Variants in ART5 observed in about 807,000 individuals in gnomAD.
ART5 encodes ecto-ADP-ribosyltransferase 5.
A neutral mutation model predicts 25.0 loss-of-function variants in ART5; 22 were observed. The observed-to-expected ratio is 0.88, with a 90% CI of 0.63 to 1.26. The LOEUF (loss-of-function observed/expected upper bound fraction) is 1.26. Ranked by LOEUF, ART5 falls within the 50% of genes most tolerant of loss-of-function variation. The probability of loss-of-function intolerance (pLI) is 0.00; values close to 1 mark genes in which losing one functional copy is unlikely to be tolerated. For synonymous variants in ART5, 161 were observed against 154.8 expected (o/e 1.04, Z -0.30); for missense variants, 402 against 372.8 (o/e 1.08, Z -0.64).
Position 3,638,664 on chromosome 11 carries a change from G to C in ART5, c.*74C>G. ...ATAGCAGAGTTCCCTCAGCCCTGCT[G>C]TGGCCTCCCCAGGCCAACATCCTGG... On this transcript the variant is annotated 3_prime_UTR_variant, in exon 4 of 4. Coordinates refer to ENST00000397068, the MANE Select transcript of ART5 (RefSeq NM_053017.5). The C allele has an allele frequency of 6.3e-7, 1 of 1,576,378 alleles. No individual in the cohort carries two copies.
upstream of ART5, chr11:3,642,315 A>C (rs1430570717): frequency 4.0e-6 from 4 of 1,002,936 alleles, no homozygotes; most frequent in African/African-American, 7.0e-5. Context: ...TGGTAACCCG[A>C]CACCCCTTTC....
In ART5 at chr11:3,639,989, C is replaced by T. The variant is rs769133129; in HGVS notation, c.440G>A (p.Ser147Asn). 1.3e-4 allele frequency: 215 copies of T among 1,614,190 alleles called. No individual in the cohort carries two copies. The highest frequency in any genetic ancestry group is 3.3e-4 in the Middle Eastern group (2 of 6,062). Residue 147 changes from serine (S) to asparagine (N), a missense_variant, in exon 2 of 4, where the codon AGT (serine) becomes AAT (asparagine). Physicochemically the swap from Ser to Asn is conservative, Grantham distance 46. Coordinates refer to ENST00000397068, the MANE Select transcript of ART5 (RefSeq NM_053017.5). ...LIRALQLLRG[S>N]GGCSRGPGEV... The stretch of plus-strand genomic sequence containing the variant: ...CCCAGGTCCCCTGCTGCAGCCCCCA[C>T]TGCCTCGCAGCAGCTGCAGGGCCCG...
At chr11:3,638,821 G>A in intron 3 of ART5, 28 bp from the exon 4 acceptor site, 1 of 1,614,122 alleles carries the variant, frequency 6.2e-7, no homozygotes. Flanking sequence ...GACTTTCAGG[G>A]CCCAACCCCT....
chr11:3,640,305 A>G lies in ART5; in HGVS notation c.124T>C (p.Cys42Arg). 6.2e-7 allele frequency: 1 copy of G among 1,613,210 alleles called. No homozygotes were observed. The highest frequency in any genetic ancestry group is 8.5e-7 in the Non-Finnish European group (1 of 1,180,010). Residue 42 changes from cysteine (C) to arginine (R), a missense_variant, in exon 2 of 4, where the codon TGT (cysteine) becomes CGT (arginine). By Grantham distance (180) the Cys-to-Arg change is radical. Transcript: ENST00000397068. Reference sequence around the variant, plus strand: ...GCCTTCTCCTCCATCTCCTCTGCACAACCCACATAGGTATCGTCAAAGGTG... The same window carrying G: ...GCCTTCTCCTCCATCTCCTCTGCACGACCCACATAGGTATCGTCAAAGGTG... ...PDTFDDTYVG[C>R]AEEMEEKAAP...
At chr11:3,642,081 C>G, upstream of ART5, 1 of 1,411,186 alleles carries the variant, frequency 7.1e-7, no homozygotes, top group Non-Finnish European at 9.2e-7. Context: ...ACACCCCTTC[C>G]TCAGAGCCTC....
At position 3,639,788 on chromosome 11, in the gene ART5, GAGA is replaced by G; in HGVS notation, c.638_640del (p.Phe213del). The G allele has an allele frequency of 1.2e-6, 2 of 1,614,230 alleles. No homozygotes were observed. Among genetic ancestry groups the G allele is most frequent in the Non-Finnish European group, 1.7e-6 (2 of 1,180,034 alleles). ...CACCTCGCGCTCCTTGGGAAAGACA[GAGA>G]AGGCCTGTATAGGGGCCCCAAAGCA... On this transcript the variant is annotated inframe_deletion, in exon 2 of 4. Transcript: ENST00000397068.
rs146254710 is a variant in ART5, at chr11:3,640,288, C to T, written c.141G>A (p.Glu47=). ...CCTTTAGCAGGGGGGCTGCCTTCTCCTCCATCTCCTCTGCACAACCCACAT... is the reference window on the plus strand; with the variant it reads ...CCTTTAGCAGGGGGGCTGCCTTCTCTTCCATCTCCTCTGCACAACCCACAT... ...DTYVGCAEEM[E]EKAAPLLKEE... The change falls in exon 2 of 4, where the codon GAG becomes GAA. Residue 47 remains glutamate (E), a synonymous_variant. Transcript: ENST00000397068. 16 of 1,613,274 alleles carry T rather than the reference C, an allele frequency of 9.9e-6. No homozygotes were observed. In the African/African-American group the frequency reaches 1.5e-4, roughly 15 times the overall value.
In ART5 at chr11:3,641,933, A is replaced by T; in HGVS notation, c.-71T>A. On this transcript the variant is annotated 5_prime_UTR_variant, in exon 1 of 4. Transcript: ENST00000397068. ...CAGAGGTGCTGGAGTCCTGGTTTCG[A>T]GGGGCTGGAGGCAGATCTGGACCCT... The T allele has an allele frequency of 1.3e-6, 2 of 1,537,728 alleles. No individual in the cohort carries two copies. Among genetic ancestry groups the T allele is most frequent in the Non-Finnish European group, 1.7e-6 (2 of 1,144,570 alleles).
rs1223068345 is a variant in ART5, at chr11:3,638,571, T to C, written c.*167A>G. On this transcript the variant is annotated 3_prime_UTR_variant, in exon 4 of 4. Transcript: ENST00000397068. ...CTCAATAAAACTCCATGTCTCCACA[T>C]TGCAACACCGTTCAATCAAGTGGCT... 4 of 780,858 alleles carry C rather than the reference T, an allele frequency of 5.1e-6. No homozygotes were observed. Among genetic ancestry groups the C allele is most frequent in the Admixed American group, 2.2e-5 (1 of 45,908 alleles). The allele number at this position is 780,858 out of a possible 1,614,324, so 48.4% of individuals were successfully genotyped here.
rs377530388 is a variant in ART5, at chr11:3,639,941, C to G, written c.488G>C (p.Gly163Ala). The change falls in exon 2 of 4, where the codon GGC (glycine) becomes GCC (alanine). Residue 163 changes from glycine to alanine, a missense_variant. By Grantham distance (60) the Gly-to-Ala change is moderately conservative. Transcript: ENST00000397068. ...GPGEVVFRGV[G>A]SLRFEPKRLG... ...CCTCTTGGGTTCAAAGCGAAGGCTG[C>G]CCACACCTCGGAACACCACCTCCCC... The G allele has an allele frequency of 6.2e-7, 1 of 1,613,998 alleles. No individual in the cohort carries two copies. The highest frequency in any genetic ancestry group is 1.3e-5 in the African/African-American group (1 of 74,946).
chr11:3,641,398 C>A (rs1164636464), intron 1 of ART5, among the ~76,000 whole-genome samples: 2 of 152,312 alleles, frequency 1.3e-5, no homozygotes, highest in Admixed American at 6.5e-5. Context: ...AGCCACCACA[C>A]CAAATCACTG....
In ART5 at chr11:3,641,979, C is replaced by T. The variant is rs2133934366; in HGVS notation, c.-117G>A. ...ACCCTGTCTCCAGGCGCACGGGATC[C>T]CGGGTCCAGGATTAGGGCCCCGGCG... On this transcript the variant is annotated 5_prime_UTR_variant, in exon 1 of 4. Transcript: ENST00000397068. 1.4e-6 allele frequency: 2 copies of T among 1,469,204 alleles called. No individual in the cohort carries two copies. The highest frequency in any genetic ancestry group is 9.0e-7 in the Non-Finnish European group (1 of 1,106,614). 91.0% of individuals were successfully genotyped at this position (1,469,204 alleles called of 1,614,324 possible). A position where few individuals can be genotyped will look rare whatever the true frequency, so the allele number is the denominator to read the frequency against.
At chr11:3,642,129 C>T (rs1186364510), upstream of ART5, 1 of 1,311,304 alleles carries the variant, frequency 7.6e-7, no homozygotes, top group South Asian at 2.1e-5. Flanking sequence ...AAGGCGGGGC[C>T]GCAGTTTGGC....
Position 3,639,960 on chromosome 11 carries a change from C to A in ART5, c.469G>T (p.Val157Leu). ...SGGCSRGPGE[V>L]VFRGVGSLRF... is the part of the protein sequence containing the mutation. ...AGGCTGCCCACACCTCGGAACACCA[C>A]CTCCCCAGGTCCCCTGCTGCAGCCC... The change falls in exon 2 of 4, where the codon GTG becomes TTG. Residue 157 changes from valine (V) to leucine (L), a missense_variant. Val to Leu is a conservative substitution (Grantham distance 32, BLOSUM62 1). Coordinates refer to ENST00000397068, the MANE Select transcript of ART5 (RefSeq NM_053017.5). The A allele has an allele frequency of 3.1e-6, 5 of 1,614,178 alleles. No homozygotes were observed. The highest frequency in any genetic ancestry group is 3.4e-6 in the Non-Finnish European group (4 of 1,180,044).
rs144162011 is a variant in ART5, at chr11:3,640,320, C to T, written c.109G>A (p.Asp37Asn). 1.9e-5 allele frequency: 31 copies of T among 1,609,550 alleles called. 1 individual carries two copies. The highest frequency in any genetic ancestry group is 1.2e-4 in the African/African-American group (9 of 74,008). The change falls in exon 2 of 4, where the codon GAT becomes AAT. Residue 37 changes from aspartate to asparagine, a missense_variant. Transcript: ENST00000397068. ...TCCTCTGCACAACCCACATAGGTATCGTCAAAGGTGTCTGGAGCCAGGCCC... is the reference window on the plus strand; with the variant it reads ...TCCTCTGCACAACCCACATAGGTATTGTCAAAGGTGTCTGGAGCCAGGCCC... ...PLGLAPDTFD[D>N]TYVGCAEEME...
rs1379017846 is a variant in ART5 at position 3,638,754 on chromosome 11, T to C, written c.860A>G (p.His287Arg). 6.2e-7 allele frequency: 1 copy of C among 1,614,024 alleles called. No homozygotes were observed. Residue 287 changes from histidine (H) to arginine (R), a missense_variant, in exon 4 of 4, where the codon CAC (histidine) becomes CGC (arginine). Physicochemically the swap from His to Arg is conservative, Grantham distance 29. Coordinates refer to ENST00000397068, the MANE Select transcript of ART5 (RefSeq NM_053017.5). ...GTGDLHMTKRHLQQP is the reference protein window; with the variant it reads ...GTGDLHMTKRRLQQP ...TCTTGCTTCTCAAGGCTGCTGGAGGTGCCTCTTCGTCATATGAAGGTCACC... is the reference window on the plus strand; with the variant it reads ...TCTTGCTTCTCAAGGCTGCTGGAGGCGCCTCTTCGTCATATGAAGGTCACC...
chr11:3,640,621 G>A (rs1589907465), intron 1 of ART5, among the ~76,000 whole-genome samples: 1 of 149,846 alleles, frequency 6.7e-6, no homozygotes, highest in East Asian at 2.0e-4. Context: ...CCAGGCTGGA[G>A]TGCAGTGGTG....
chr11:3,639,907 G>C lies in ART5; in HGVS notation c.522C>G (p.Asp174Glu), dbSNP rs17851204. 1 of 1,614,176 alleles carries C rather than the reference G, an allele frequency of 6.2e-7. No homozygotes were observed. Among genetic ancestry groups the C allele is most frequent in the Non-Finnish European group, 8.5e-7 (1 of 1,180,026 alleles). ...SLRFEPKRLG[D>E]SVRLGQFASS... ...AGGCAAACTGGCCCAAGCGGACAGA[G>C]TCTCCCAGCCTCTTGGGTTCAAAGC... The change falls in exon 2 of 4, where the codon GAC becomes GAG. Residue 174 changes from aspartate to glutamate, a missense_variant. Coordinates refer to ENST00000397068, the MANE Select transcript of ART5 (RefSeq NM_053017.5).
In ART5 at chr11:3,641,361, G is replaced by A. The variant is rs928736526; in HGVS notation, c.57+445C>T. 3.9e-5 allele frequency among the ~76,000 whole-genome samples: 6 copies of A among 152,260 alleles called. No individual in the cohort carries two copies. In the East Asian group the frequency reaches 5.8e-4, roughly 15 times the overall value. ...TCGGGCTCTCTTTCCCTCTCATCCA[G>A]CAGGAAGCCCTTGCAGGTAGGTGCT... On this transcript the variant is annotated intron_variant, in intron 1 of 3. Coordinates refer to ENST00000397068, the MANE Select transcript of ART5 (RefSeq NM_053017.5).
Sources: allele counts gnomAD v4.1 joint callset (sites outside exome capture counted in the v4.1 genomes callset), GRCh38; gene constraint gnomAD v4.1.1; transcripts MANE v1.5; gene names NCBI Gene and HGNC (gene_info 2026-07-23, HGNC 2026-07-21).